The following RIMS1 variants were observed in gnomAD, a reference collection of about 807,000 sequenced individuals.
RIMS1 encodes regulating synaptic membrane exocytosis protein 1.
A neutral mutation model predicts 214.1 loss-of-function variants in RIMS1; 83 were observed. That is an observed-to-expected ratio of 0.39 (90% CI 0.32 to 0.47). The LOEUF (loss-of-function observed/expected upper bound fraction) is 0.47, where lower values mean the gene tolerates loss of function less well. Ranked by LOEUF, RIMS1 falls within the 20% of genes least tolerant of loss-of-function variation. RIMS1 has a pLI of 0.99. For synonymous variants in RIMS1, 793 were observed against 786.8 expected, an observed-to-expected ratio of 1.01 and a Z score of -0.13; for missense variants, 2,050 against 2,161.8, an observed-to-expected ratio of 0.95 and a Z score of 1.03.
intron 1 of RIMS1, among the ~76,000 whole-genome samples, chr6:71,922,038 C>T (rs975184774): frequency 6.6e-6 from 1 of 152,190 alleles, no homozygotes; most frequent in Non-Finnish European, 1.5e-5. Context: ...TATGTATACT[C>T]ACCCAGCTTC....
At chr6:72,287,176 G>A (rs1200076554) in intron 24 of RIMS1, among the ~76,000 whole-genome samples, 1 of 151,976 alleles carries the variant, frequency 6.6e-6, no homozygotes, top group African/African-American at 2.4e-5. Context: ...TCTTTATTTG[G>A]ACTACTATTT....
chr6:72,182,514 A>G lies in RIMS1; in HGVS notation c.1043A>G (p.Glu348Gly), dbSNP rs1394855611. Reference sequence around the variant, plus strand: ...GCGGATGAGGAAAAGCAAAGAAAAGAGGAGGATTATCAGACCAGGTACCGC... The same window carrying G: ...GCGGATGAGGAAAAGCAAAGAAAAGGGGAGGATTATCAGACCAGGTACCGC... Reference protein sequence around the residue: ...KAADEEKQRKEEDYQTRYRSD... With the variant: ...KAADEEKQRKGEDYQTRYRSD... The change falls in exon 6 of 34, where the codon GAG (glutamate) becomes GGG (glycine). Residue 348 changes from glutamate to glycine, a missense_variant. Physicochemically the swap from Glu to Gly is moderately conservative, Grantham distance 98. This residue lies in a region of RIMS1 where 882 missense variants were observed against 828.9 expected (regional missense o/e 1.06). Coordinates refer to ENST00000521978, the MANE Select transcript of RIMS1 (RefSeq NM_014989.7). 1 of 1,589,940 alleles carries G rather than the reference A, an allele frequency of 6.3e-7. No individual in the cohort carries two copies. The highest frequency in any genetic ancestry group is 8.6e-7 in the Non-Finnish European group (1 of 1,168,212).
chr6:72,274,524 G>T, intron 23 of RIMS1, 92 bp downstream of exon 23: 1 of 965,390 alleles, frequency 1.0e-6, no homozygotes, highest in South Asian at 1.4e-5. Context: ...TGAATATGAT[G>T]TACTTTATTC....
intron 29 of RIMS1, among the ~76,000 whole-genome samples, chr6:72,339,843 C>T (rs1488780326): frequency 2.6e-5 from 4 of 152,018 alleles, no homozygotes; most frequent in African/African-American, 9.6e-5. Context: ...AGTTCTAGAT[C>T]CCTGAGGAAT....
At chr6:72,251,519 G>A (rs3798274) in intron 15 of RIMS1, among the ~76,000 whole-genome samples, 151 bp downstream of exon 15, 118,377 of 152,064 alleles carry the variant, frequency 0.78, 46,603 homozygotes, top group East Asian at 0.98. Context: ...TGGCAAAACT[G>A]TTTCTACATT....
At chr6:72,241,282 A>C (rs749451372) in intron 9 of RIMS1, among the ~76,000 whole-genome samples, 18 of 152,156 alleles carry the variant, frequency 1.2e-4, no homozygotes, top group Non-Finnish European at 2.4e-4. Flanking sequence ...TGCTCATAAA[A>C]TGTTCTAGAC....
chr6:72,361,708 G>A (rs910852251), intron 29 of RIMS1, among the ~76,000 whole-genome samples: 1 of 152,164 alleles, frequency 6.6e-6, no homozygotes, highest in African/African-American at 2.4e-5. Context: ...AGCCTCTAGT[G>A]GCTGCCCACA....
intron 4 of RIMS1, among the ~76,000 whole-genome samples, chr6:72,139,934 T>C (rs1307912801): frequency 6.6e-6 from 1 of 152,152 alleles, no homozygotes; most frequent in Non-Finnish European, 1.5e-5. Context: ...GGCTTGAAGA[T>C]TGATTTAAGA....
intron 29 of RIMS1, among the ~76,000 whole-genome samples, chr6:72,345,308 ATTATTGGAT>A (rs1316543223): frequency 0.011 from 1,743 of 151,946 alleles, 31 homozygotes; most frequent in African/African-American, 0.039. Context: ...ATGATAGTTT[ATTATTGGAT>A]AATTTTTCTA....
chr6:72,179,488 CTTTT>C, intron 4 of RIMS1, 83 bp from the exon 5 acceptor site: 1 of 1,113,772 alleles, frequency 9.0e-7, no homozygotes, highest in Non-Finnish European at 1.3e-6. Context: ...GAATACTGTT[CTTTT>C]TTTCTTAAAT....
chr6:71,953,776 G>A (rs1043504038), intron 1 of RIMS1, among the ~76,000 whole-genome samples: 2 of 152,176 alleles, frequency 1.3e-5, no homozygotes, highest in Non-Finnish European at 2.9e-5. Flanking sequence ...TTTTCAATGA[G>A]GAAGAAAGCC....
chr6:72,050,577 C>G (rs1288867451), intron 2 of RIMS1, among the ~76,000 whole-genome samples: 1 of 152,024 alleles, frequency 6.6e-6, no homozygotes, highest in Non-Finnish European at 1.5e-5. Context: ...TGTGTCTTCT[C>G]TCCTCAGATA....
chr6:72,333,742 G>A lies in RIMS1; in HGVS notation c.4273G>A (p.Ala1425Thr). ...AGACACAGCTGTGGGTACAGTTGGAGCAGGTGGAAAGAAACGGAGATCCAG... is the reference window on the plus strand; with the variant it reads ...AGACACAGCTGTGGGTACAGTTGGAACAGGTGGAAAGAAACGGAGATCCAG... ...QSDTAVGTVG[A>T]GGKKRRSSLS... is the part of the protein sequence containing the mutation. The change falls in exon 29 of 34, where the codon GCA becomes ACA. Residue 1425 changes from alanine (A) to threonine (T), a missense_variant. This residue lies in a region of RIMS1 where 889 missense variants were observed against 885.5 expected (regional missense o/e 1.00). Coordinates refer to ENST00000521978, the MANE Select transcript of RIMS1 (RefSeq NM_014989.7). The A allele has an allele frequency of 6.3e-7, 1 of 1,599,584 alleles. No individual in the cohort carries two copies. Among genetic ancestry groups the A allele is most frequent in the Non-Finnish European group, 8.5e-7 (1 of 1,172,998 alleles).
chr6:71,912,752 G>A (rs1777298663), intron 1 of RIMS1, among the ~76,000 whole-genome samples: 4 of 152,020 alleles, frequency 2.6e-5, no homozygotes, highest in Admixed American at 2.6e-4. Context: ...TATGTGTCAG[G>A]TACTGAATCA....
chr6:72,055,325 A>G (rs1193681250), intron 2 of RIMS1, among the ~76,000 whole-genome samples: 2 of 152,232 alleles, frequency 1.3e-5, no homozygotes, highest in Non-Finnish European at 2.9e-5. Flanking sequence ...TCTCACAAGT[A>G]CATGAGGGAG....
intron 6 of RIMS1, among the ~76,000 whole-genome samples, chr6:72,213,815 T>C (rs1414099865): frequency 6.6e-6 from 1 of 152,152 alleles, no homozygotes; most frequent in Non-Finnish European, 1.5e-5. Flanking sequence ...AAGCTCAAAA[T>C]TGCATTTGAT....
intron 1 of RIMS1, among the ~76,000 whole-genome samples, chr6:71,903,869 C>A (rs948204134): frequency 1.3e-5 from 2 of 151,926 alleles, no homozygotes; most frequent in African/African-American, 4.8e-5. Context: ...AAAGATATTT[C>A]CATTTCAAAA....
chr6:71,985,387 C>CTAAAA lies in RIMS1; in HGVS notation c.245+16342_245+16346dup, dbSNP rs890900309. The stretch of plus-strand genomic sequence containing the variant: ...CCTGGGTAACAGAGTGACACCCTGT[C>CTAAAA]TAAAATAAAATAAAATAAAATAGAT... On this transcript the variant is annotated intron_variant, in intron 2 of 33. Transcript: ENST00000521978. Among the ~76,000 whole-genome samples the CTAAAA allele has an allele frequency of 4.6e-4, 70 of 151,878 alleles. 1 individual carries two copies. In the East Asian group the frequency reaches 6.8e-3, roughly 15 times the overall value.
chr6:71,921,719 C>T (rs1436940743), intron 1 of RIMS1, among the ~76,000 whole-genome samples: 1 of 152,168 alleles, frequency 6.6e-6, no homozygotes, highest in Non-Finnish European at 1.5e-5. Flanking sequence ...ATATAGCATA[C>T]TTCCTCTAGT....
Sources: gnomAD v4.1 joint callset for allele counts (sites outside exome capture counted in the v4.1 genomes callset) on GRCh38, gnomAD v4.1.1 for gene constraint, gnomAD v4.1.1 regional missense constraint, MANE v1.5 for transcripts, NCBI Gene and HGNC (gene_info 2026-07-23, HGNC 2026-07-21) for gene names.